The following CACNA1D variants were observed in gnomAD, a reference collection of about 807,000 sequenced individuals.
CACNA1D encodes voltage-dependent L-type calcium channel subunit alpha-1D.
Under a neutral mutation model 257.1 loss-of-function variants are expected in CACNA1D, and 55 were observed. The observed-to-expected ratio is 0.21, with a 90% CI of 0.17 to 0.27. CACNA1D has a LOEUF of 0.27. Ranked by LOEUF, CACNA1D falls within the 10% of genes least tolerant of loss-of-function variation. The pLI is 1.00. For synonymous variants in CACNA1D, 980 were observed against 1,014.9 expected, an observed-to-expected ratio of 0.97 and a Z score of 0.65; for missense variants, 1,876 against 2,784.0, an observed-to-expected ratio of 0.67 and a Z score of 7.34.
intron 3 of CACNA1D, among the ~76,000 whole-genome samples, chr3:53,536,563 A>G (rs907344879): frequency 2.0e-5 from 3 of 152,278 alleles, no homozygotes; most frequent in African/African-American, 7.2e-5. Flanking sequence ...TGTCTAGAGC[A>G]GGAGTGGCAA....
At chr3:53,694,577 G>T (rs139579012) in intron 8 of CACNA1D, among the ~76,000 whole-genome samples, 4 of 152,202 alleles carry the variant, frequency 2.6e-5, no homozygotes, top group Non-Finnish European at 5.9e-5. Flanking sequence ...TTGAGCCTCC[G>T]TGTTGGCCTT....
intron 4 of CACNA1D, among the ~76,000 whole-genome samples, chr3:53,658,377 C>T (rs1260919962): frequency 6.6e-6 from 1 of 152,204 alleles, no homozygotes; most frequent in African/African-American, 2.4e-5. Context: ...AGCCCCGGCC[C>T]CTTGCAGCCC....
intron 8 of CACNA1D, among the ~76,000 whole-genome samples, chr3:53,697,362 C>T (rs2094582160): frequency 6.6e-6 from 1 of 152,168 alleles, no homozygotes; most frequent in South Asian, 2.1e-4. Flanking sequence ...TGTACATAGC[C>T]TTCCTGCATG....
chr3:53,757,025 A>G (rs1406697866), intron 29 of CACNA1D, among the ~76,000 whole-genome samples: 1 of 152,234 alleles, frequency 6.6e-6, no homozygotes, highest in Non-Finnish European at 1.5e-5. Flanking sequence ...AGGAGAAATT[A>G]GGTTTGGGGA....
At chr3:53,629,875 ATATTGCATTG>A (rs2093803100) in intron 3 of CACNA1D, among the ~76,000 whole-genome samples, 2 of 152,218 alleles carry the variant, frequency 1.3e-5, no homozygotes, top group Non-Finnish European at 2.9e-5. Flanking sequence ...ATTTAAATAC[ATATTGCATTG>A]CTGACTGACA....
chr3:53,739,063 C>T (rs528646616), intron 20 of CACNA1D, among the ~76,000 whole-genome samples: 13 of 152,336 alleles, frequency 8.5e-5, no homozygotes, highest in Middle Eastern at 3.4e-3. Context: ...TGAATACCCT[C>T]TGAAGAGAGA....
chr3:53,550,764 G>A (rs2092515954), intron 3 of CACNA1D, among the ~76,000 whole-genome samples: 1 of 152,078 alleles, frequency 6.6e-6, no homozygotes, highest in Non-Finnish European at 1.5e-5. Context: ...AGAAGTGGTG[G>A]CAGGGAATGC....
Position 53,751,626 on chromosome 3 carries a change from C to A in CACNA1D, c.3517-123C>A. On this transcript the variant is annotated intron_variant, in intron 27 of 47. Coordinates refer to ENST00000350061, the MANE Select transcript of CACNA1D (RefSeq NM_001128840.3). This position sits in a 1 kb window ranked among gnomAD's most constrained non-coding sequence, Gnocchi z 4.3. ...GAAGGGGGTCACTCGTAATCATTTT[C>A]ACCATCGTCCACGGCCCCTTCCCGG... 2 of 969,462 alleles carry A rather than the reference C, an allele frequency of 2.1e-6. No individual in the cohort carries two copies. Among genetic ancestry groups the A allele is most frequent in the Non-Finnish European group, 3.3e-6 (2 of 601,894 alleles). 60.1% of individuals were successfully genotyped at this position (969,462 alleles called of 1,614,324 possible).
chr3:53,503,054 T>A (rs536897535), intron 3 of CACNA1D, among the ~76,000 whole-genome samples: 1 of 152,326 alleles, frequency 6.6e-6, no homozygotes, highest in African/African-American at 2.4e-5. Context: ...AATTATGCTC[T>A]TGTGAATAAG....
chr3:53,665,140 T>G lies in CACNA1D; in HGVS notation c.767-520T>G, dbSNP rs562610657. 2.6e-5 allele frequency among the ~76,000 whole-genome samples: 4 copies of G among 152,340 alleles called. No individual in the cohort carries two copies. The South Asian group carries it at 8.3e-4, about 32-fold the overall frequency. On this transcript the variant is annotated intron_variant, in intron 5 of 47. Transcript: ENST00000350061. The stretch of plus-strand genomic sequence containing the variant: ...TATAGCCTCCAGTGGAATGCTGAGT[T>G]GGTCACAATCCCTTTGGCCTTTTCA...
chr3:53,765,220 C>A (rs1312181949), intron 30 of CACNA1D, among the ~76,000 whole-genome samples: 1 of 152,202 alleles, frequency 6.6e-6, no homozygotes, highest in Non-Finnish European at 1.5e-5. Flanking sequence ...CTCCCCTCCA[C>A]ATGTAGTTCC....
chr3:53,805,216 C>G (rs1001105891), intron 45 of CACNA1D, 70 bp downstream of exon 45: 5 of 1,450,934 alleles, frequency 3.4e-6, no homozygotes, highest in Non-Finnish European at 4.8e-6. Flanking sequence ...AACCCCCGCT[C>G]TGGGGGCCGG....
At chr3:53,787,447 G>A (rs1211539443) in intron 40 of CACNA1D, among the ~76,000 whole-genome samples, 1 of 151,148 alleles carries the variant, frequency 6.6e-6, no homozygotes, top group Admixed American at 6.6e-5. Flanking sequence ...GTGTGTGTGT[G>A]TGTGTGTATG....
At chr3:53,730,231 T>TTTA (rs2094976340) in intron 15 of CACNA1D, among the ~76,000 whole-genome samples, 1 of 150,862 alleles carries the variant, frequency 6.6e-6, no homozygotes, top group Non-Finnish European at 1.5e-5. Flanking sequence ...AGACTGTCCT[T>TTTA]TTACAGGTTT....
chr3:53,576,264 A>G (rs1261222189), intron 3 of CACNA1D, among the ~76,000 whole-genome samples: 3 of 152,238 alleles, frequency 2.0e-5, no homozygotes. Flanking sequence ...AATGCCAAGA[A>G]TCTCCTAAAG....
At chr3:53,769,144 G>A (rs772645909) in intron 30 of CACNA1D, among the ~76,000 whole-genome samples, 20 of 152,328 alleles carry the variant, frequency 1.3e-4, no homozygotes, top group South Asian at 1.0e-3. Flanking sequence ...TGCTGGGCAC[G>A]GAGTGGAGTG....
chr3:53,533,696 C>G (rs556287842), intron 3 of CACNA1D, among the ~76,000 whole-genome samples: 1 of 152,160 alleles, frequency 6.6e-6, no homozygotes, highest in African/African-American at 2.4e-5. Flanking sequence ...CTGCTATGGC[C>G]GTGGGCGCTG....
chr3:53,680,477 T>C (rs1191118390), intron 8 of CACNA1D, among the ~76,000 whole-genome samples: 1 of 152,178 alleles, frequency 6.6e-6, no homozygotes, highest in Non-Finnish European at 1.5e-5. Flanking sequence ...CTGTCCGCAG[T>C]TCCCCCTCCA....
intron 3 of CACNA1D, among the ~76,000 whole-genome samples, chr3:53,575,454 G>A (rs2093020875): frequency 1.3e-5 from 2 of 152,100 alleles, no homozygotes; most frequent in African/African-American, 2.4e-5. Flanking sequence ...GGATTGAATC[G>A]GGATTATGCT....
Sources: gnomAD v4.1 joint callset for allele counts (sites outside exome capture counted in the v4.1 genomes callset) on GRCh38, gnomAD v4.1.1 for gene constraint, Gnocchi (gnomAD v3.1) non-coding constraint, MANE v1.5 for transcripts, NCBI Gene and HGNC (gene_info 2026-07-23, HGNC 2026-07-21) for gene names.